Variants in IGSF21 observed in about 807,000 individuals in gnomAD.
The protein encoded by IGSF21 is immunoglobulin superfamily member 21.
In IGSF21, 28 loss-of-function variants were observed where a neutral mutation model predicts 46.8. The ratio of observed to expected loss-of-function variants is 0.60; its 90% CI spans 0.44 to 0.82. The LOEUF is 0.82. Among genes scored for constraint, IGSF21 ranks in the 40% least tolerant of loss-of-function variants. The pLI, the probability that IGSF21 is intolerant of heterozygous loss-of-function variation, is 0.00. For missense variants in IGSF21, 624 were observed against 665.5 expected (o/e 0.94, Z 0.69); for synonymous variants, 284 against 273.6 (o/e 1.04, Z -0.38).
At chr1:18,359,338 A>AAGAAAGAAAG (rs1195025223) in intron 4 of IGSF21, among the ~76,000 whole-genome samples, 1 of 35,336 alleles carries the variant, frequency 2.8e-5, no homozygotes, top group African/African-American at 9.6e-5. Context: ...AAGAGAAAGA[A>AAGAAAGAAAG]AAAGAAAGAA....
intron 1 of IGSF21, among the ~76,000 whole-genome samples, chr1:18,199,976 C>T (rs760845254): frequency 6.6e-6 from 1 of 152,026 alleles, no homozygotes; most frequent in Non-Finnish European, 1.5e-5. Flanking sequence ...AGGAGCGGGT[C>T]CAAGGGGGCT....
intron 1 of IGSF21, among the ~76,000 whole-genome samples, chr1:18,204,135 G>A (rs1367929070): frequency 1.3e-5 from 2 of 152,102 alleles, no homozygotes; most frequent in East Asian, 1.9e-4. Context: ...TGGGATGGAG[G>A]GCTTACTCCC....
In IGSF21 at chr1:18,147,237, G is replaced by A. The variant is rs548534469; in HGVS notation, c.70+39039G>A. On this transcript the variant is annotated intron_variant, in intron 1 of 9. Coordinates refer to ENST00000251296, the MANE Select transcript of IGSF21 (RefSeq NM_032880.5). ...TTGAACCCCTCCAAGGTCTGCCATCGTGCTTGACATCAAATCCCATGCCTT... is the reference window on the plus strand; with the variant it reads ...TTGAACCCCTCCAAGGTCTGCCATCATGCTTGACATCAAATCCCATGCCTT... Among the ~76,000 whole-genome samples the A allele has an allele frequency of 7.2e-5, 11 of 152,150 alleles. No homozygotes were observed. The East Asian group carries it at 1.6e-3, about 21-fold the overall frequency.
At chr1:18,256,158 C>G (rs1386032522) in intron 2 of IGSF21, among the ~76,000 whole-genome samples, 1 of 152,176 alleles carries the variant, frequency 6.6e-6, no homozygotes, top group Admixed American at 6.5e-5. Flanking sequence ...CATGCCCTCC[C>G]TGACCTCTGG....
In IGSF21 at chr1:18,227,940, C is replaced by T. The variant is rs534211344; in HGVS notation, c.113C>T (p.Ala38Val). The change falls in exon 2 of 10, where the codon GCT becomes GTT. Residue 38 changes from alanine (A) to valine (V), a missense_variant. Physicochemically the swap from Ala to Val is moderately conservative, Grantham distance 64. Coordinates refer to ENST00000251296, the MANE Select transcript of IGSF21 (RefSeq NM_032880.5). Reference protein sequence around the residue: ...VNIEPLPPVVAGDAVTLKCNF... With the variant: ...VNIEPLPPVVVGDAVTLKCNF... ...ATTGAGCCTCTCCCCCCTGTGGTGG[C>T]TGGAGACGCCGTGACTTTGAAGTGT... 6.2e-7 allele frequency: 1 copy of T among 1,614,070 alleles called. No individual in the cohort carries two copies. The highest frequency in any genetic ancestry group is 1.3e-5 in the African/African-American group (1 of 75,038).
chr1:18,178,825 C>A (rs1173522015), intron 1 of IGSF21, among the ~76,000 whole-genome samples: 1 of 152,116 alleles, frequency 6.6e-6, no homozygotes, highest in Admixed American at 6.5e-5. Flanking sequence ...GACCCCCAGG[C>A]AGGCAGCAGT....
chr1:18,323,202 A>G (rs1314754876), intron 3 of IGSF21, among the ~76,000 whole-genome samples: 3 of 152,190 alleles, frequency 2.0e-5, no homozygotes, highest in African/African-American at 7.2e-5. Flanking sequence ...CAGTTTGCCC[A>G]CTGGTAAATC....
At position 18,161,453 on chromosome 1, in the gene IGSF21, C is replaced by T. The variant is rs1217899723; in HGVS notation, c.70+53255C>T. Among the ~76,000 whole-genome samples the T allele has an allele frequency of 2.6e-5, 4 of 152,108 alleles. No homozygotes were observed. In the East Asian group the frequency reaches 7.7e-4, roughly 29 times the overall value. On this transcript the variant is annotated intron_variant, in intron 1 of 9. Transcript: ENST00000251296. ...AGCCTGCAAATGCCAGCTTGAGTCC[C>T]AGAACTCTACCCAGGCCACCAAAAG...
In IGSF21 at chr1:18,362,001, G is replaced by T. The variant is rs572423767; in HGVS notation, c.425-114G>T. 4 of 679,156 alleles carry T rather than the reference G, an allele frequency of 5.9e-6. No individual in the cohort carries two copies. In the East Asian group the frequency reaches 8.2e-5, roughly 14 times the overall value. The allele number at this position is 679,156 out of a possible 1,614,324, so 42.1% of individuals were successfully genotyped here. Reference sequence around the variant, plus strand: ...CACCCCCTGGAGTTTGGCAACACCTGCCCTCCCCCACCCCCGGCACCCAGC... The same window carrying T: ...CACCCCCTGGAGTTTGGCAACACCTTCCCTCCCCCACCCCCGGCACCCAGC... On this transcript the variant is annotated intron_variant, in intron 4 of 9. Coordinates refer to ENST00000251296, the MANE Select transcript of IGSF21 (RefSeq NM_032880.5).
At chr1:18,356,267 T>G (rs1001729668) in intron 4 of IGSF21, among the ~76,000 whole-genome samples, 2 of 152,198 alleles carry the variant, frequency 1.3e-5, no homozygotes. Flanking sequence ...GATGAGTGTG[T>G]TTACTCACCC....
At chr1:18,198,306 A>G (rs942710563) in intron 1 of IGSF21, among the ~76,000 whole-genome samples, 36 of 152,100 alleles carry the variant, frequency 2.4e-4, no homozygotes, top group African/African-American at 8.4e-4. Context: ...CCCAAGTCAT[A>G]AGTGGCAGCT....
chr1:18,143,476 CA>C (rs2086437035), intron 1 of IGSF21, among the ~76,000 whole-genome samples: 1 of 152,170 alleles, frequency 6.6e-6, no homozygotes, highest in East Asian at 1.9e-4. Context: ...TCATAAAGTG[CA>C]AACTCCCGTC....
At chr1:18,134,603 G>A (rs1040774471) in intron 1 of IGSF21, among the ~76,000 whole-genome samples, 2 of 152,100 alleles carry the variant, frequency 1.3e-5, no homozygotes, top group African/African-American at 4.8e-5. Context: ...GGCTTTTCCT[G>A]GGCTGTGGAT....
chr1:18,288,958 G>A (rs530708137), intron 2 of IGSF21, among the ~76,000 whole-genome samples: 7 of 152,182 alleles, frequency 4.6e-5, no homozygotes, highest in South Asian at 2.1e-4. Flanking sequence ...AACTAGTCTC[G>A]TCCTTGAAAC....
intron 2 of IGSF21, among the ~76,000 whole-genome samples, chr1:18,291,054 C>A (rs1021925896): frequency 6.6e-6 from 1 of 152,202 alleles, no homozygotes; most frequent in African/African-American, 2.4e-5. Flanking sequence ...ACAACACATA[C>A]CTTGCTGCTT....
chr1:18,182,841 G>C (rs1420803578), intron 1 of IGSF21, among the ~76,000 whole-genome samples: 1 of 152,198 alleles, frequency 6.6e-6, no homozygotes, highest in Non-Finnish European at 1.5e-5. Flanking sequence ...TGGTGAAATT[G>C]CCTGTAGATT....
intron 1 of IGSF21, among the ~76,000 whole-genome samples, chr1:18,204,459 A>C (rs1384227941): frequency 6.6e-6 from 1 of 152,138 alleles, no homozygotes; most frequent in Non-Finnish European, 1.5e-5. Flanking sequence ...TGATACAAAA[A>C]TCTTCCTTCT....
intron 3 of IGSF21, among the ~76,000 whole-genome samples, chr1:18,294,901 G>A (rs1409169108): frequency 6.6e-6 from 1 of 152,236 alleles, no homozygotes; most frequent in African/African-American, 2.4e-5. Flanking sequence ...CGGGGCGCGG[G>A]ACTCCGCATT....
chr1:18,376,457 C>T, intron 7 of IGSF21, 62 bp downstream of exon 7: 2 of 1,176,092 alleles, frequency 1.7e-6, no homozygotes, highest in Non-Finnish European at 2.6e-6. Context: ...CGACCCAGCA[C>T]CAGCATTCCT....
Sources: gnomAD v4.1 joint callset for allele counts (sites outside exome capture counted in the v4.1 genomes callset) on GRCh38, gnomAD v4.1.1 for gene constraint, MANE v1.5 for transcripts, NCBI Gene and HGNC (gene_info 2026-07-23, HGNC 2026-07-21) for gene names.